Variants in KCNH7 observed in about 807,000 individuals in gnomAD.
KCNH7 encodes potassium voltage-gated channel subfamily H member 7, also known as voltage-gated inwardly rectifying potassium channel KCNH7.
Under a neutral mutation model 120.8 loss-of-function variants are expected in KCNH7, and 49 were observed. The ratio of observed to expected loss-of-function variants is 0.41; its 90% CI spans 0.32 to 0.51. The LOEUF (loss-of-function observed/expected upper bound fraction) is 0.51, where lower values mean the gene tolerates loss of function less well. KCNH7 is among the 20% of genes least tolerant of loss of function. The pLI is 0.38. For synonymous variants in KCNH7, 547 were observed against 516.1 expected (o/e 1.06, Z -0.81); for missense variants, 1,097 against 1,446.6 (o/e 0.76, Z 3.92).
intron 2 of KCNH7, among the ~76,000 whole-genome samples, chr2:162,759,973 CAT>C: frequency 6.6e-6 from 1 of 150,986 alleles, no homozygotes; most frequent in Non-Finnish European, 1.5e-5. Context: ...AATAACTTTG[CAT>C]AGAGTGTGTA....
At chr2:162,628,677 C>T (rs547634714) in intron 2 of KCNH7, among the ~76,000 whole-genome samples, 5 of 152,024 alleles carry the variant, frequency 3.3e-5, no homozygotes, top group South Asian at 2.1e-4. Context: ...CCCACTTATA[C>T]GTAAGAACAT....
intron 2 of KCNH7, among the ~76,000 whole-genome samples, chr2:162,729,464 A>G (rs1460183718): frequency 6.6e-6 from 1 of 151,910 alleles, no homozygotes; most frequent in Non-Finnish European, 1.5e-5. Context: ...TTCTATTCCC[A>G]TATACATCTT....
intron 2 of KCNH7, among the ~76,000 whole-genome samples, chr2:162,661,410 T>C (rs1684953879): frequency 6.6e-6 from 1 of 152,216 alleles, no homozygotes; most frequent in Non-Finnish European, 1.5e-5. Context: ...AGTGGGGTAT[T>C]GCATCTTTAA....
intron 2 of KCNH7, among the ~76,000 whole-genome samples, chr2:162,752,945 A>ACCCCTG (rs1559116284): frequency 9.6e-6 from 1 of 104,424 alleles, no homozygotes; most frequent in African/African-American, 5.8e-5. Flanking sequence ...AAAGAAAAGA[A>ACCCCTG]AAGAAAAGAA....
intron 2 of KCNH7, among the ~76,000 whole-genome samples, chr2:162,568,107 GGCA>G (rs1333837122): frequency 1.3e-5 from 2 of 151,900 alleles, no homozygotes; most frequent in Admixed American, 1.3e-4. Context: ...TTCTTCACAT[GGCA>G]GCAGAAGAAG....
intron 2 of KCNH7, among the ~76,000 whole-genome samples, chr2:162,689,677 C>A (rs950925617): frequency 5.9e-5 from 9 of 151,930 alleles, no homozygotes; most frequent in Admixed American, 1.3e-4. Context: ...ATAAAATAAT[C>A]AAATTAAACA....
intron 4 of KCNH7, 70 bp from the exon 5 acceptor site, chr2:162,512,744 G>T: frequency 8.9e-7 from 1 of 1,119,604 alleles, no homozygotes; most frequent in Non-Finnish European, 1.3e-6. Flanking sequence ...TATATACACT[G>T]AATTACCTGT....
At chr2:162,741,035 A>G (rs1193685108) in intron 2 of KCNH7, among the ~76,000 whole-genome samples, 1 of 152,188 alleles carries the variant, frequency 6.6e-6, no homozygotes, top group Admixed American at 6.5e-5. Context: ...TATAGGCTTC[A>G]GAAATACATG....
chr2:162,552,268 G>C (rs2105859902), intron 2 of KCNH7, among the ~76,000 whole-genome samples: 1 of 152,216 alleles, frequency 6.6e-6, no homozygotes, highest in South Asian at 2.1e-4. Flanking sequence ...CTGGTTCTTA[G>C]TACTCTGTTT....
chr2:162,604,126 T>C (rs1435359118), intron 2 of KCNH7, among the ~76,000 whole-genome samples: 2 of 152,112 alleles, frequency 1.3e-5, no homozygotes, highest in Non-Finnish European at 2.9e-5. Flanking sequence ...CTATCTGAAA[T>C]TAAATTGATT....
At chr2:162,598,812 T>G (rs912678201) in intron 2 of KCNH7, among the ~76,000 whole-genome samples, 2 of 152,190 alleles carry the variant, frequency 1.3e-5, no homozygotes, top group African/African-American at 4.8e-5. Flanking sequence ...ATATAAGCAT[T>G]ATAAAGGAAT....
At chr2:162,732,499 C>T (rs12998679) in intron 2 of KCNH7, among the ~76,000 whole-genome samples, 41,008 of 151,792 alleles carry the variant, frequency 0.27, 8,160 homozygotes, top group East Asian at 0.54. Flanking sequence ...AGATAGAGTG[C>T]TTTAAAAGTC....
In KCNH7 at chr2:162,635,364, C is replaced by G. The variant is rs190699606; in HGVS notation, c.308-98284G>C. 3.3e-3 allele frequency among the ~76,000 whole-genome samples: 507 copies of G among 152,030 alleles called. 5 individuals carry two copies. Among genetic ancestry groups the G allele is most frequent in the Non-Finnish European group, 2.8e-3 (193 of 67,970 alleles). ...ATAAATAATTATAATAATAATAGGT[C>G]CCCAAGATATTACTATACTTTTTCT... On this transcript the variant is annotated intron_variant, in intron 2 of 15. Transcript: ENST00000332142.
At chr2:162,560,754 G>A (rs1430442044) in intron 2 of KCNH7, among the ~76,000 whole-genome samples, 1 of 152,178 alleles carries the variant, frequency 6.6e-6, no homozygotes, top group African/African-American at 2.4e-5. Flanking sequence ...ATAAACTGAT[G>A]TGCTTTCATG....
chr2:162,614,323 C>G (rs1395981384), intron 2 of KCNH7, among the ~76,000 whole-genome samples: 1 of 151,926 alleles, frequency 6.6e-6, no homozygotes, highest in Non-Finnish European at 1.5e-5. Context: ...GATAACTAAC[C>G]ATTGAGAGAT....
intron 2 of KCNH7, among the ~76,000 whole-genome samples, chr2:162,827,536 C>A (rs377356385): frequency 1.4e-5 from 2 of 138,520 alleles, no homozygotes; most frequent in Non-Finnish European, 3.2e-5. Context: ...GCCTGATATT[C>A]ATTTTGATTG....
At chr2:162,401,394 T>A (rs989276074) in intron 9 of KCNH7, among the ~76,000 whole-genome samples, 1 of 151,834 alleles carries the variant, frequency 6.6e-6, no homozygotes, top group African/African-American at 2.4e-5. Flanking sequence ...CACTTTGAGG[T>A]GGAGGAATGG....
At chr2:162,645,090 G>A (rs1684308209) in intron 2 of KCNH7, among the ~76,000 whole-genome samples, 1 of 151,984 alleles carries the variant, frequency 6.6e-6, no homozygotes, top group Non-Finnish European at 1.5e-5. Flanking sequence ...GAATATTTAT[G>A]TTTTTAAAAA....
intron 6 of KCNH7, among the ~76,000 whole-genome samples, chr2:162,491,772 G>A (rs889157131): frequency 6.6e-6 from 1 of 152,170 alleles, no homozygotes; most frequent in East Asian, 1.9e-4. Flanking sequence ...TTGCTAGGAA[G>A]AGAAAGGACC....
Sources: allele counts gnomAD v4.1 joint callset (sites outside exome capture counted in the v4.1 genomes callset), GRCh38; gene constraint gnomAD v4.1.1; transcripts MANE v1.5; gene names NCBI Gene and HGNC (gene_info 2026-07-23, HGNC 2026-07-21).